Variants in SCNN1G observed in about 807,000 individuals in gnomAD.
SCNN1G encodes the protein epithelial sodium channel subunit gamma.
SCNN1G carries 27 observed loss-of-function variants against 64.6 expected under a neutral mutation model. The ratio of observed to expected loss-of-function variants is 0.42; its 90% CI spans 0.31 to 0.58. SCNN1G has a LOEUF of 0.58. SCNN1G is among the 20% of genes least tolerant of loss of function. SCNN1G has a pLI of 0.18. For synonymous variants in SCNN1G, 330 were observed against 314.2 expected, an observed-to-expected ratio of 1.05 and a Z score of -0.53; for missense variants, 743 against 823.4, an observed-to-expected ratio of 0.90 and a Z score of 1.19.
At chr16:23,205,375 A>G (rs939401133) in intron 6 of SCNN1G, among the ~76,000 whole-genome samples, 1 of 152,100 alleles carries the variant, frequency 6.6e-6, no homozygotes, top group Non-Finnish European at 1.5e-5. Flanking sequence ...GGGCCCTGAG[A>G]CAGCCTAGAG....
intron 11 of SCNN1G, among the ~76,000 whole-genome samples, chr16:23,213,759 G>T (rs996428982): frequency 6.6e-6 from 1 of 152,220 alleles, no homozygotes; most frequent in African/African-American, 2.4e-5. Flanking sequence ...GCCAGGTGCT[G>T]TGTGAGGTGC....
intron 6 of SCNN1G, among the ~76,000 whole-genome samples, chr16:23,200,615 G>C (rs1006935174): frequency 1.3e-5 from 2 of 152,222 alleles, no homozygotes; most frequent in African/African-American, 4.8e-5. Flanking sequence ...CACCGTCCCT[G>C]TCCTGAGAGA....
intron 7 of SCNN1G, among the ~76,000 whole-genome samples, chr16:23,210,691 A>T (rs1229191776): frequency 6.6e-6 from 1 of 152,190 alleles, no homozygotes; most frequent in African/African-American, 2.4e-5. Flanking sequence ...TGAGTCTTCC[A>T]ACTTAGATAA....
chr16:23,200,663 G>C (rs994370069), intron 6 of SCNN1G, among the ~76,000 whole-genome samples: 1 of 152,176 alleles, frequency 6.6e-6, no homozygotes, highest in African/African-American at 2.4e-5. Flanking sequence ...TAATAAACCA[G>C]AAATAATACA....
At chr16:23,191,940 G>T (rs767076223) in intron 3 of SCNN1G, among the ~76,000 whole-genome samples, 2 of 152,210 alleles carry the variant, frequency 1.3e-5, no homozygotes, top group African/African-American at 2.4e-5. Flanking sequence ...ATCCTGCAGA[G>T]AAGTAGTCTC....
chr16:23,202,522 G>A (rs576972834), intron 6 of SCNN1G, among the ~76,000 whole-genome samples: 3 of 152,244 alleles, frequency 2.0e-5, no homozygotes, highest in African/African-American at 7.2e-5. Flanking sequence ...AATTACAGAG[G>A]AGTCACAAAA....
At chr16:23,212,641 C>T in intron 8 of SCNN1G, 37 bp from the exon 9 acceptor site, 2 of 1,551,730 alleles carry the variant, frequency 1.3e-6, no homozygotes, top group Non-Finnish European at 8.9e-7. Flanking sequence ...GGTCCTGTGG[C>T]TCCAAAGCTC....
At chr16:23,205,759 C>T (rs1449546687) in intron 6 of SCNN1G, among the ~76,000 whole-genome samples, 1 of 151,814 alleles carries the variant, frequency 6.6e-6, no homozygotes, top group Non-Finnish European at 1.5e-5. Flanking sequence ...GAAAACCATC[C>T]ACCTGTTCCA....
intron 2 of SCNN1G, among the ~76,000 whole-genome samples, chr16:23,188,392 G>C (rs1959648673): frequency 6.6e-6 from 1 of 152,014 alleles, no homozygotes; most frequent in Non-Finnish European, 1.5e-5. Flanking sequence ...CACATTCATA[G>C]TCCCAGCAAC....
At chr16:23,185,451 C>T (rs1959590933) in intron 1 of SCNN1G, among the ~76,000 whole-genome samples, 1 of 152,162 alleles carries the variant, frequency 6.6e-6, no homozygotes, top group Admixed American at 6.5e-5. Context: ...CCTTCCAATA[C>T]TGGTACTCTC....
At chr16:23,209,654 G>T in intron 6 of SCNN1G, 96 bp from the exon 7 acceptor site, 3 of 874,038 alleles carry the variant, frequency 3.4e-6, no homozygotes, top group East Asian at 2.4e-5. Context: ...AGCTCCCAAG[G>T]GCTGCTTGCA....
chr16:23,213,750 C>T (rs376889440), intron 11 of SCNN1G, among the ~76,000 whole-genome samples: 33 of 152,200 alleles, frequency 2.2e-4, no homozygotes, highest in African/African-American at 8.0e-4. Context: ...CCCCTAGGTG[C>T]CAGGTGCTGT....
chr16:23,195,174 C>G (rs1959776120), intron 5 of SCNN1G, among the ~76,000 whole-genome samples: 1 of 152,110 alleles, frequency 6.6e-6, no homozygotes, highest in Non-Finnish European at 1.5e-5. Context: ...GTTAGGGCTT[C>G]AACATATGAA....
intron 4 of SCNN1G, among the ~76,000 whole-genome samples, chr16:23,193,040 G>C (rs932788231): frequency 8.0e-6 from 1 of 124,302 alleles, no homozygotes; most frequent in African/African-American, 3.1e-5. Context: ...CTGCACTCAA[G>C]CCTGGGCTGC....
chr16:23,210,974 C>G (rs4407061), intron 7 of SCNN1G, among the ~76,000 whole-genome samples: 32,192 of 152,000 alleles, frequency 0.21, 3,523 homozygotes, highest in African/African-American at 0.25. Context: ...AATGTTCAAG[C>G]CTGCAGTGAG....
intron 6 of SCNN1G, among the ~76,000 whole-genome samples, chr16:23,199,673 T>C (rs912841483): frequency 4.9e-5 from 6 of 121,782 alleles, no homozygotes; most frequent in African/African-American, 9.3e-5. Context: ...CTTTTTTTTT[T>C]TTTTTTTTTT....
At position 23,216,822 on chromosome 16, in the gene SCNN1G, A is replaced by C. The variant is rs1960164481; in HGVS notation, c.*1353A>C. The C allele has an allele frequency of 1.3e-5, 2 of 152,194 alleles. No individual in the cohort carries two copies. Among genetic ancestry groups the C allele is most frequent in the Non-Finnish European group, 2.9e-5 (2 of 68,030 alleles). 9.4% of individuals were successfully genotyped at this position (152,194 alleles called of 1,614,324 possible). On this transcript the variant is annotated 3_prime_UTR_variant, in exon 13 of 13. Transcript: ENST00000300061. ...AAAGAAGAAGATTCTGTGACTCATG[A>C]AAATGATATGAGATTCGAATTCCAG...
intron 6 of SCNN1G, among the ~76,000 whole-genome samples, chr16:23,200,609 G>A (rs1010377051): frequency 5.3e-5 from 8 of 152,204 alleles, no homozygotes; most frequent in East Asian, 1.9e-4. Context: ...GGAGGACACC[G>A]TCCCTGTCCT....
At chr16:23,210,180 C>A (rs183076256) in intron 7 of SCNN1G, among the ~76,000 whole-genome samples, 1 of 152,278 alleles carries the variant, frequency 6.6e-6, no homozygotes, top group Non-Finnish European at 1.5e-5. Context: ...GGCTTCCGGG[C>A]CTGCTGGTGC....
Sources: gnomAD v4.1 joint callset for allele counts (sites outside exome capture counted in the v4.1 genomes callset) on GRCh38, gnomAD v4.1.1 for gene constraint, MANE v1.5 for transcripts, NCBI Gene and HGNC (gene_info 2026-07-23, HGNC 2026-07-21) for gene names.